Variants in GOLT1A observed in about 807,000 individuals in gnomAD.
GOLT1A encodes the protein golgi transport 1A.
Under a neutral mutation model 16.1 loss-of-function variants are expected in GOLT1A, and 10 were observed. The observed-to-expected ratio is 0.62, with a 90% CI of 0.38 to 1.05. GOLT1A has a LOEUF of 1.05. GOLT1A is among the 50% of genes least tolerant of loss of function. The pLI, the probability that GOLT1A is intolerant of heterozygous loss-of-function variation, is 0.01. For missense variants in GOLT1A, 137 were observed against 165.7 expected, an observed-to-expected ratio of 0.83 and a Z score of 0.95; for synonymous variants, 60 against 67.9, an observed-to-expected ratio of 0.88 and a Z score of 0.57.
At chr1:204,211,830 G>A (rs2102341257) in intron 1 of GOLT1A, among the ~76,000 whole-genome samples, 1 of 152,254 alleles carries the variant, frequency 6.6e-6, no homozygotes, top group African/African-American at 2.4e-5. Context: ...CTTGGAGTGG[G>A]GGTGCTACTG....
intron 4 of GOLT1A, 167 bp downstream of exon 4, chr1:204,199,028 G>T: frequency 6.5e-6 from 4 of 619,554 alleles, no homozygotes; most frequent in Non-Finnish European, 1.2e-5. Flanking sequence ...AATGGAGAAG[G>T]TGCGGGGGGA....
At chr1:204,209,185 T>C (rs1291917571) in intron 1 of GOLT1A, among the ~76,000 whole-genome samples, 1 of 152,214 alleles carries the variant, frequency 6.6e-6, no homozygotes. Flanking sequence ...AGGTTATGCA[T>C]CTTAGGCAGA....
intron 1 of GOLT1A, among the ~76,000 whole-genome samples, chr1:204,209,973 G>A (rs150535611): frequency 0.012 from 1,787 of 152,242 alleles, 31 homozygotes; most frequent in African/African-American, 0.04. Context: ...CAGGAGAATC[G>A]CTTGAACCCG....
intron 1 of GOLT1A, among the ~76,000 whole-genome samples, chr1:204,205,444 G>A (rs1659026535): frequency 6.6e-6 from 1 of 152,090 alleles, no homozygotes; most frequent in Non-Finnish European, 1.5e-5. Flanking sequence ...TGGTCTTGAT[G>A]CCCTCGTCAA....
chr1:204,200,752 C>T (rs1658944177), intron 3 of GOLT1A, among the ~76,000 whole-genome samples: 1 of 152,160 alleles, frequency 6.6e-6, no homozygotes, highest in African/African-American at 2.4e-5. Flanking sequence ...TTCAGGGCTG[C>T]CTTCAGCAAA....
chr1:204,201,413 C>G (rs1488821703), intron 3 of GOLT1A, among the ~76,000 whole-genome samples: 1 of 152,174 alleles, frequency 6.6e-6, no homozygotes, highest in Non-Finnish European at 1.5e-5. Flanking sequence ...GCTGGGGGCA[C>G]AGTGCTGGGA....
chr1:204,211,361 TTGCCTGCCA>T (rs1338339478), intron 1 of GOLT1A, among the ~76,000 whole-genome samples: 1 of 152,164 alleles, frequency 6.6e-6, no homozygotes, highest in Non-Finnish European at 1.5e-5. Context: ...ACTGTCCCTA[TTGCCTGCCA>T]TGCTCCAACC....
chr1:204,210,870 G>T (rs1256454379), intron 1 of GOLT1A, among the ~76,000 whole-genome samples: 1 of 152,034 alleles, frequency 6.6e-6, no homozygotes, highest in African/African-American at 2.4e-5. Context: ...CTTGAACTGG[G>T]CTAATCTTCA....
At chr1:204,208,472 G>GTGTATATGTATATATGTA (rs1553234641) in intron 1 of GOLT1A, among the ~76,000 whole-genome samples, 1 of 28,858 alleles carries the variant, frequency 3.5e-5, no homozygotes, top group African/African-American at 9.4e-5. Flanking sequence ...GTGTGTGTGT[G>GTGTATATGTATATATGTA]TGTGTATATA....
intron 1 of GOLT1A, among the ~76,000 whole-genome samples, 196 bp from the exon 2 acceptor site, chr1:204,203,183 A>T (rs914525816): frequency 5.9e-5 from 9 of 152,118 alleles, no homozygotes; most frequent in Non-Finnish European, 1.0e-4. Flanking sequence ...TTTGTCTGGC[A>T]CCTGGGAACT....
intron 1 of GOLT1A, among the ~76,000 whole-genome samples, chr1:204,207,741 C>G (rs927780410): frequency 6.6e-6 from 1 of 152,170 alleles, no homozygotes; most frequent in Non-Finnish European, 1.5e-5. Context: ...CTTGCAAGTA[C>G]AGTACAAAGA....
At chr1:204,199,896 C>T (rs1473028950) in intron 3 of GOLT1A, among the ~76,000 whole-genome samples, 2 of 152,116 alleles carry the variant, frequency 1.3e-5, no homozygotes, top group Non-Finnish European at 2.9e-5. Flanking sequence ...GAAGGGATCC[C>T]GGTGTGTGGC....
rs117452439 is a variant in GOLT1A at position 204,207,334 on chromosome 1, G to A, written c.26-4347C>T. ...AAGCTGGGAGGCCAAGGTAACTTCA[G>A]GGAGGCCCGGCTCTCCAGGCGCCAC... On this transcript the variant is annotated intron_variant, in intron 1 of 4. Coordinates refer to ENST00000308302, the MANE Select transcript of GOLT1A (RefSeq NM_198447.2). 1.0e-3 allele frequency among the ~76,000 whole-genome samples: 155 copies of A among 152,342 alleles called. 3 individuals are homozygous for A. In the East Asian group the frequency reaches 0.022, roughly 22 times the overall value.
chr1:204,198,385 G>T lies in GOLT1A; in HGVS notation c.*73C>A. 1 of 1,378,116 alleles carries T rather than the reference G, an allele frequency of 7.3e-7. No individual in the cohort carries two copies. Among genetic ancestry groups the T allele is most frequent in the Non-Finnish European group, 1.0e-6 (1 of 967,896 alleles). 85.4% of individuals were successfully genotyped at this position (1,378,116 alleles called of 1,614,324 possible). ...GGGGAGTGAGTCAGTGCAGGGGACT[G>T]AGGGGGTGGTTCCCATTCTCCCTCT... On this transcript the variant is annotated 3_prime_UTR_variant, in exon 5 of 5. Transcript: ENST00000308302.
rs575681174 is a variant in GOLT1A, at chr1:204,202,990, G to A, written c.26-3C>T. 1.8e-4 allele frequency: 295 copies of A among 1,613,024 alleles called. 1 individual carries two copies. The highest frequency in any genetic ancestry group is 2.4e-4 in the Non-Finnish European group (284 of 1,179,158). ...ACCGGTGATCCCCACACCAATCTCTGCAATGGGCAAGGAGGTGGTGGAGGA... is the reference window on the plus strand; with the variant it reads ...ACCGGTGATCCCCACACCAATCTCTACAATGGGCAAGGAGGTGGTGGAGGA... On this transcript the variant is annotated splice_polypyrimidine_tract_variant and splice_region_variant and intron_variant, in intron 1 of 4. Coordinates refer to ENST00000308302, the MANE Select transcript of GOLT1A (RefSeq NM_198447.2).
rs563422306 is a variant in GOLT1A at position 204,198,994 on chromosome 1, C to T, written c.360+201G>A. 9.0e-4 allele frequency: 527 copies of T among 583,958 alleles called. 9 individuals carry two copies. In the South Asian group the frequency reaches 0.011, roughly 12 times the overall value. The allele number at this position is 583,958 out of a possible 1,614,324, so 36.2% of individuals were successfully genotyped here. A position where few individuals can be genotyped will look rare whatever the true frequency, so the allele number is the denominator to read the frequency against. On this transcript the variant is annotated intron_variant, in intron 4 of 4. Transcript: ENST00000308302. The stretch of plus-strand genomic sequence containing the variant: ...ACTCAGCTACAACTGCGTCTGGATC[C>T]CCTCTCCTCATGGGCTCTTGTCAAA...
intron 4 of GOLT1A, chr1:204,198,821 A>G: frequency 2.1e-6 from 1 of 485,798 alleles, no homozygotes; most frequent in East Asian, 3.5e-5. Flanking sequence ...ATCAGCTGTC[A>G]TACATTCTCT....
intron 4 of GOLT1A, 34 bp downstream of exon 4, chr1:204,199,161 T>C: frequency 6.5e-7 from 1 of 1,545,080 alleles, no homozygotes; most frequent in Non-Finnish European, 8.8e-7. Flanking sequence ...CTCCCCAGGG[T>C]ACGCCCGCAG....
chr1:204,198,566 G>A (rs1404163122), intron 4 of GOLT1A, 70 bp from the exon 5 acceptor site: 1 of 1,465,696 alleles, frequency 6.8e-7, no homozygotes, highest in East Asian at 2.3e-5. Context: ...TTATTACAGA[G>A]CTGGCCTTGA....
Sources: gnomAD v4.1 joint callset for allele counts (sites outside exome capture counted in the v4.1 genomes callset) on GRCh38, gnomAD v4.1.1 for gene constraint, MANE v1.5 for transcripts, NCBI Gene and HGNC (gene_info 2026-07-23, HGNC 2026-07-21) for gene names.